TUB: variants seen among roughly 807,000 people sequenced by gnomAD.
TUB encodes TUB bipartite transcription factor.
A neutral mutation model predicts 59.7 loss-of-function variants in TUB; 33 were observed. The observed-to-expected ratio is 0.55, with a 90% CI of 0.42 to 0.74. TUB has a LOEUF of 0.74. Among genes scored for constraint, TUB ranks in the 30% least tolerant of loss-of-function variants. TUB has a pLI of 0.00. For missense variants in TUB, 659 were observed against 672.0 expected, an observed-to-expected ratio of 0.98 and a Z score of 0.21; for synonymous variants, 293 against 256.4, an observed-to-expected ratio of 1.14 and a Z score of -1.36.
chr11:8,052,681 T>G (rs1209066005), intron 2 of TUB, among the ~76,000 whole-genome samples: 1 of 152,154 alleles, frequency 6.6e-6, no homozygotes, highest in Non-Finnish European at 1.5e-5. Context: ...TTCACCGTGT[T>G]AGCCAGGATG....
At chr11:8,060,426 T>C (rs1943101826) in intron 2 of TUB, among the ~76,000 whole-genome samples, 1 of 152,158 alleles carries the variant, frequency 6.6e-6, no homozygotes, top group African/African-American at 2.4e-5. Context: ...CCACAGTGGT[T>C]AGGAGTCATG....
At chr11:8,060,557 C>A (rs76233044) in intron 2 of TUB, among the ~76,000 whole-genome samples, 1 of 152,118 alleles carries the variant, frequency 6.6e-6, no homozygotes, top group Non-Finnish European at 1.5e-5. Context: ...TGGACCATAC[C>A]AGTGATTTTC....
rs749882700 is a variant in TUB, at chr11:8,096,732, GAGAAT to G, written c.616_620del (p.Asn206LeufsTer8). 6.2e-7 allele frequency: 1 copy of G among 1,614,072 alleles called. No individual in the cohort carries two copies. The highest frequency in any genetic ancestry group is 1.1e-5 in the South Asian group (1 of 91,078). On this transcript the variant is annotated frameshift_variant, in exon 6 of 12. Transcript: ENST00000299506. LOFTEE classifies it high-confidence loss of function. ...TGACGAGGATGAGGAGGATGAGGAG[GAGAAT>G]AGCTCCAGCTCCTCCCAGCTAAATA...
At chr11:8,060,980 TGG>T (rs1214996785) in intron 2 of TUB, among the ~76,000 whole-genome samples, 1 of 152,178 alleles carries the variant, frequency 6.6e-6, no homozygotes, top group African/African-American at 2.4e-5. Context: ...ATTTCATCAG[TGG>T]ATGCCGCTCA....
intron 1 of TUB, among the ~76,000 whole-genome samples, chr11:8,033,346 A>G (rs1194783396): frequency 2.6e-5 from 4 of 152,166 alleles, no homozygotes; most frequent in African/African-American, 9.7e-5. Flanking sequence ...GTGCCGCCAC[A>G]AGATGGCACT....
At chr11:8,054,419 C>G (rs774011110) in intron 2 of TUB, among the ~76,000 whole-genome samples, 2 of 152,136 alleles carry the variant, frequency 1.3e-5, no homozygotes, top group Non-Finnish European at 2.9e-5. Flanking sequence ...ACATGCCCCT[C>G]CTTGGGCCTG....
Position 8,101,535 on chromosome 11 carries a change from C to A in TUB, c.1437C>A (p.Thr479=), listed in dbSNP as rs780444298. 9 of 1,614,240 alleles carry A rather than the reference C, an allele frequency of 5.6e-6. No individual in the cohort carries two copies. The Admixed American group carries it at 1.5e-4, about 27-fold the overall frequency. Residue 479 remains threonine (T), a synonymous_variant, in exon 12 of 12, where the codon ACC becomes ACA. Coordinates refer to ENST00000299506, the MANE Select transcript of TUB (RefSeq NM_177972.3). The stretch of plus-strand genomic sequence containing the variant: ...GCCGGGTAGCAGAGGATGTGTTCAC[C>A]ATGGATTACAACTACCCGCTGTGTG... ...QFGRVAEDVF[T]MDYNYPLCAL... is the part of the protein sequence containing the mutation.
intron 2 of TUB, among the ~76,000 whole-genome samples, chr11:8,055,030 G>A (rs1942996554): frequency 1.3e-5 from 2 of 152,304 alleles, no homozygotes; most frequent in East Asian, 3.9e-4. Context: ...TAGATGCTCA[G>A]CCTGTGTCCC....
At position 8,085,259 on chromosome 11, in the gene TUB, T is replaced by A. The variant is rs554050741; in HGVS notation, c.38+3711T>A. Among the ~76,000 whole-genome samples the A allele has an allele frequency of 7.2e-5, 11 of 152,330 alleles. 1 individual carries two copies. The highest frequency in any genetic ancestry group is 2.6e-4 in the African/African-American group (11 of 41,572). ...ATTAGAATCACCCATGGCACTTGCT[T>A]TTACAAAGAGAGAGAGGAGTGGGTT... On this transcript the variant is annotated intron_variant, in intron 1 of 11. Coordinates refer to ENST00000299506, the MANE Select transcript of TUB (RefSeq NM_177972.3).
upstream of TUB, among the ~76,000 whole-genome samples, chr11:8,038,291 G>A (rs1942680823): frequency 6.6e-6 from 1 of 152,182 alleles, no homozygotes; most frequent in Admixed American, 6.5e-5. Flanking sequence ...TGTGGGAGAT[G>A]AAGCCTTGTG....
At chr11:8,023,392 C>G (rs1316348833) in intron 1 of TUB, among the ~76,000 whole-genome samples, 1 of 152,290 alleles carries the variant, frequency 6.6e-6, no homozygotes, top group East Asian at 1.9e-4. Context: ...CAATTTCTGG[C>G]TCCTCTTAGG....
chr11:8,059,676 G>C (rs528138028), intron 2 of TUB, among the ~76,000 whole-genome samples: 58 of 152,164 alleles, frequency 3.8e-4, no homozygotes, highest in Non-Finnish European at 5.9e-4. Flanking sequence ...GCCTGGAGGG[G>C]AGACAGCAGA....
At chr11:8,079,663 C>T (rs74599037), upstream of TUB, among the ~76,000 whole-genome samples, 1 of 102,582 alleles carries the variant, frequency 9.7e-6, no homozygotes, top group Non-Finnish European at 2.5e-5. Flanking sequence ...TGTGTGCATG[C>T]ATGTGTGTAG....
intron 2 of TUB, among the ~76,000 whole-genome samples, chr11:8,069,607 CCTAT>C (rs975105123): frequency 3.3e-5 from 5 of 152,292 alleles, no homozygotes; most frequent in African/African-American, 9.6e-5. Flanking sequence ...CTTTTATTTT[CCTAT>C]CTAATGGGAT....
intron 1 of TUB, among the ~76,000 whole-genome samples, chr11:8,030,571 G>A (rs1564896250): frequency 2.0e-5 from 3 of 152,224 alleles, no homozygotes; most frequent in Admixed American, 6.5e-5. Context: ...ATATGTATGT[G>A]TGTTGGGGAG....
chr11:8,036,606 G>A (rs1942650364), upstream of TUB, among the ~76,000 whole-genome samples: 1 of 152,216 alleles, frequency 6.6e-6, no homozygotes, highest in Admixed American at 6.5e-5. Flanking sequence ...CTACAAAGAT[G>A]GAGGGACCGC....
chr11:8,066,827 G>A (rs925388195), intron 2 of TUB, among the ~76,000 whole-genome samples: 4 of 152,186 alleles, frequency 2.6e-5, no homozygotes, highest in Non-Finnish European at 5.9e-5. Flanking sequence ...CCTACCAGGC[G>A]TGCAGCCCCT....
intron 2 of TUB, among the ~76,000 whole-genome samples, chr11:8,053,841 C>A (rs72848411): frequency 0.43 from 62,745 of 147,184 alleles, 15,407 homozygotes; most frequent in Middle Eastern, 0.61. Flanking sequence ...CTTGGCCGGG[C>A]GCAGTGGCTC....
At chr11:8,081,956 C>CTGCT (rs1943576113) in intron 1 of TUB, among the ~76,000 whole-genome samples, 1 of 152,352 alleles carries the variant, frequency 6.6e-6, no homozygotes, top group Admixed American at 6.5e-5. Flanking sequence ...AAAGACGCTC[C>CTGCT]TGCTGGTCGG....
Sources: gnomAD v4.1 joint callset for allele counts (sites outside exome capture counted in the v4.1 genomes callset) on GRCh38, gnomAD v4.1.1 for gene constraint, MANE v1.5 for transcripts, NCBI Gene and HGNC (gene_info 2026-07-23, HGNC 2026-07-21) for gene names.